Variants in RGS6 observed in about 807,000 individuals in gnomAD.
The protein encoded by RGS6 is regulator of G-protein signaling 6.
RGS6 carries 30 observed loss-of-function variants against 78.5 expected under a neutral mutation model. The ratio of observed to expected loss-of-function variants is 0.38; its 90% CI spans 0.29 to 0.52. The LOEUF is 0.52. Ranked by LOEUF, RGS6 falls within the 20% of genes least tolerant of loss-of-function variation. The pLI is 0.85. For synonymous variants in RGS6, 206 were observed against 206.0 expected (o/e 1.00, Z 0.00); for missense variants, 495 against 609.7 (o/e 0.81, Z 1.98).
rs943077294 is a variant in RGS6, at chr14:72,565,827, T to A, written c.*3360T>A. 3.0e-4 allele frequency: 46 copies of A among 152,346 alleles called. No homozygotes were observed. The highest frequency in any genetic ancestry group is 9.6e-4 in the African/African-American group (40 of 41,548). 9.4% of individuals were successfully genotyped at this position (152,346 alleles called of 1,614,324 possible). A position where few individuals can be genotyped will look rare whatever the true frequency, so the allele number is the denominator to read the frequency against. On this transcript the variant is annotated 3_prime_UTR_variant, in exon 18 of 18. Coordinates refer to ENST00000553525, the MANE Select transcript of RGS6 (RefSeq NM_001204424.2). Reference sequence around the variant, plus strand: ...TGCATCCCTCCTGTTCTGCTCCATATACATGTGCTTCAAAAACCACCACCA... The same window carrying A: ...TGCATCCCTCCTGTTCTGCTCCATAAACATGTGCTTCAAAAACCACCACCA...
chr14:72,163,666 C>T lies in RGS6; in HGVS notation c.85-188429C>T, dbSNP rs528023253. Among the ~76,000 whole-genome samples the T allele has an allele frequency of 6.0e-4, 92 of 152,192 alleles. 1 individual carries two copies. The highest frequency in any genetic ancestry group is 4.8e-3 in the South Asian group (23 of 4,808). The stretch of plus-strand genomic sequence containing the variant: ...TTGGGAGGCTGAGGTGGGCGGATCA[C>T]GAGGTCAGGCGTTCGAGACCAGCCT... On this transcript the variant is annotated intron_variant, in intron 2 of 17. Coordinates refer to ENST00000553525, the MANE Select transcript of RGS6 (RefSeq NM_001204424.2).
chr14:72,260,598 G>A (rs1158687943), intron 2 of RGS6, among the ~76,000 whole-genome samples: 1 of 152,136 alleles, frequency 6.6e-6, no homozygotes, highest in African/African-American at 2.4e-5. Flanking sequence ...GGAGAGAAGA[G>A]ATGAGTGCTC....
intron 2 of RGS6, among the ~76,000 whole-genome samples, chr14:71,982,133 C>G (rs2094496210): frequency 6.6e-6 from 1 of 152,244 alleles, no homozygotes; most frequent in Non-Finnish European, 1.5e-5. Context: ...CAACGCCTCG[C>G]CCTGCTTCGG....
chr14:72,555,549 G>C (rs530678760), intron 17 of RGS6, among the ~76,000 whole-genome samples: 1 of 152,190 alleles, frequency 6.6e-6, no homozygotes, highest in Non-Finnish European at 1.5e-5. Flanking sequence ...TGCCCAGTAC[G>C]GGTTGGGCAC....
intron 2 of RGS6, among the ~76,000 whole-genome samples, chr14:72,004,397 A>C (rs1184685866): frequency 6.6e-6 from 1 of 152,250 alleles, no homozygotes; most frequent in Non-Finnish European, 1.5e-5. Flanking sequence ...TTCATAAAGA[A>C]GAAATTCAAA....
intron 17 of RGS6, among the ~76,000 whole-genome samples, chr14:72,546,891 C>T (rs980623232): frequency 6.6e-6 from 1 of 152,202 alleles, no homozygotes; most frequent in African/African-American, 2.4e-5. Context: ...ACCTGCAGGC[C>T]TTCGCCATGA....
chr14:72,062,538 C>T (rs2093944870), intron 2 of RGS6, among the ~76,000 whole-genome samples: 2 of 152,194 alleles, frequency 1.3e-5, no homozygotes, highest in South Asian at 4.1e-4. Flanking sequence ...ACACAGTTGG[C>T]AAGTGTGGTG....
intron 2 of RGS6, among the ~76,000 whole-genome samples, chr14:72,115,180 G>A (rs146378949): frequency 2.8e-4 from 43 of 152,228 alleles, no homozygotes; most frequent in African/African-American, 9.9e-4. Flanking sequence ...CAACCCTAGC[G>A]CTCGCTCAGG....
chr14:71,956,025 T>G (rs1050942398), intron 1 of RGS6, among the ~76,000 whole-genome samples: 9 of 152,158 alleles, frequency 5.9e-5, no homozygotes, highest in Non-Finnish European at 1.0e-4. Context: ...GCTAAGACTA[T>G]GTGTTAAATA....
chr14:72,613,986 C>T, the RGS6 span, among the ~76,000 whole-genome samples: 45,038 of 151,928 alleles, frequency 0.3, 8,034 homozygotes, highest in East Asian at 0.68. Flanking sequence ...CCCTGCCCCA[C>T]TCTCAGCTGT....
intron 2 of RGS6, among the ~76,000 whole-genome samples, chr14:72,124,761 C>T (rs2096146273): frequency 6.6e-6 from 1 of 152,134 alleles, no homozygotes; most frequent in African/African-American, 2.4e-5. Flanking sequence ...AAAGAGCTCT[C>T]TTTCTTGCTC....
intron 2 of RGS6, among the ~76,000 whole-genome samples, chr14:72,342,551 C>T (rs1209030942): frequency 7.3e-6 from 1 of 136,436 alleles, no homozygotes; most frequent in African/African-American, 2.8e-5. Context: ...CAAAGTGAGA[C>T]TGAGACTCTG....
the RGS6 span, among the ~76,000 whole-genome samples, chr14:71,908,795 C>G: frequency 6.6e-6 from 1 of 152,142 alleles, no homozygotes; most frequent in Non-Finnish European, 1.5e-5. Flanking sequence ...GCCTACCACG[C>G]CTCTGGCTTA....
intron 14 of RGS6, 44 bp downstream of exon 14, chr14:72,510,323 G>T: frequency 5.6e-6 from 9 of 1,612,462 alleles, no homozygotes; most frequent in Non-Finnish European, 7.6e-6. Flanking sequence ...TGTGTGTGAA[G>T]AAATTTGCAT....
At chr14:72,548,327 T>TTGTGTG (rs369257899) in intron 17 of RGS6, among the ~76,000 whole-genome samples, 10 of 147,264 alleles carry the variant, frequency 6.8e-5, no homozygotes, top group African/African-American at 2.5e-4. Flanking sequence ...CAGATCATAT[T>TTGTGTG]TGTGTGTGTG....
intron 2 of RGS6, among the ~76,000 whole-genome samples, chr14:72,154,246 T>C (rs965523364): frequency 7.2e-5 from 11 of 152,086 alleles, no homozygotes; most frequent in Admixed American, 6.6e-4. Flanking sequence ...GTCGCTGTTA[T>C]TCTGTTCTTT....
At chr14:72,446,132 C>T (rs2095357470) in intron 3 of RGS6, among the ~76,000 whole-genome samples, 1 of 152,188 alleles carries the variant, frequency 6.6e-6, no homozygotes, top group South Asian at 2.1e-4. Context: ...GTGGTACATG[C>T]CTGTGGTCCC....
At chr14:72,333,822 G>A (rs1418354571) in intron 2 of RGS6, among the ~76,000 whole-genome samples, 6 of 152,120 alleles carry the variant, frequency 3.9e-5, no homozygotes, top group Non-Finnish European at 8.8e-5. Context: ...GCACAATCTA[G>A]ATGCCCACTG....
intron 2 of RGS6, among the ~76,000 whole-genome samples, chr14:72,276,552 C>T (rs576259145): frequency 6.6e-6 from 1 of 152,222 alleles, no homozygotes; most frequent in African/African-American, 2.4e-5. Flanking sequence ...AATTGTAGCT[C>T]CCATAATTCC....
Sources: gnomAD v4.1 joint callset for allele counts (sites outside exome capture counted in the v4.1 genomes callset) on GRCh38, gnomAD v4.1.1 for gene constraint, MANE v1.5 for transcripts, NCBI Gene and HGNC (gene_info 2026-07-23, HGNC 2026-07-21) for gene names.